PTPRG: variants seen among roughly 807,000 people sequenced by gnomAD.
PTPRG encodes the protein receptor-type tyrosine-protein phosphatase gamma.
Under a neutral mutation model 165.3 loss-of-function variants are expected in PTPRG, and 102 were observed. The ratio of observed to expected loss-of-function variants is 0.62; its 90% CI spans 0.53 to 0.73. PTPRG has a LOEUF of 0.73. Among genes scored for constraint, PTPRG ranks in the 30% least tolerant of loss-of-function variants. The probability of loss-of-function intolerance (pLI) is 0.00; values close to 1 mark genes in which losing one functional copy is unlikely to be tolerated. For missense variants in PTPRG, 1,866 were observed against 1,861.4 expected, an observed-to-expected ratio of 1.00 and a Z score of -0.05; for synonymous variants, 675 against 669.5, an observed-to-expected ratio of 1.01 and a Z score of -0.13.
chr3:62,054,734 T>G (rs1700579614), intron 4 of PTPRG, among the ~76,000 whole-genome samples: 1 of 152,246 alleles, frequency 6.6e-6, no homozygotes, highest in Non-Finnish European at 1.5e-5. Context: ...AGTTATATTT[T>G]GCAGTCTTAA....
At chr3:61,880,343 C>T (rs1220098672) in intron 2 of PTPRG, among the ~76,000 whole-genome samples, 1 of 152,162 alleles carries the variant, frequency 6.6e-6, no homozygotes, top group Non-Finnish European at 1.5e-5. Flanking sequence ...TGCACAATGG[C>T]TCATGCCGCA....
At chr3:61,806,561 T>C (rs866476207) in intron 2 of PTPRG, among the ~76,000 whole-genome samples, 58 of 151,402 alleles carry the variant, frequency 3.8e-4, no homozygotes, top group African/African-American at 1.4e-3. Context: ...TTTGTACTTC[T>C]GGATTTATAT....
chr3:61,940,850 G>A (rs2039606283), intron 2 of PTPRG, among the ~76,000 whole-genome samples: 1 of 151,994 alleles, frequency 6.6e-6, no homozygotes, highest in Non-Finnish European at 1.5e-5. Context: ...ATTTTTAGTA[G>A]AGATGGGGTT....
intron 1 of PTPRG, among the ~76,000 whole-genome samples, chr3:61,707,592 G>A (rs1251083159): frequency 6.6e-6 from 1 of 152,128 alleles, no homozygotes; most frequent in Non-Finnish European, 1.5e-5. Context: ...AGCTGATTAG[G>A]TGATCCCACC....
intron 2 of PTPRG, among the ~76,000 whole-genome samples, chr3:61,805,986 A>C (rs1361847148): frequency 6.6e-6 from 1 of 152,216 alleles, no homozygotes. Flanking sequence ...CCATTTAAGA[A>C]AAATACAGCA....
At chr3:62,284,456 A>G (rs1161267016) in intron 28 of PTPRG, among the ~76,000 whole-genome samples, 1 of 152,182 alleles carries the variant, frequency 6.6e-6, no homozygotes, top group Non-Finnish European at 1.5e-5. Context: ...CATATAGGTG[A>G]GATGCCTTAA....
In PTPRG at chr3:62,203,121, T is replaced by C. The variant is rs139226717; in HGVS notation, c.1378-52T>C. ...CCAATCTCAATTACTGATGCTTCTC[T>C]GCTTTTTCTTCTTCTGCCTCTTTTC... is the stretch of plus-strand genomic sequence containing the variant. On this transcript the variant is annotated intron_variant, in intron 11 of 29. Coordinates refer to ENST00000474889, the MANE Select transcript of PTPRG (RefSeq NM_002841.4). This position sits in a 1 kb window ranked among gnomAD's most constrained non-coding sequence, Gnocchi z 6.4. 8.5e-5 allele frequency: 130 copies of C among 1,524,794 alleles called. No homozygotes were observed. The East Asian group carries it at 2.0e-3, about 23-fold the overall frequency. The allele number at this position is 1,524,794 out of a possible 1,614,324, so 94.5% of individuals were successfully genotyped here. A position where few individuals can be genotyped will look rare whatever the true frequency, so the allele number is the denominator to read the frequency against.
intron 5 of PTPRG, among the ~76,000 whole-genome samples, chr3:62,088,083 C>T (rs1292149556): frequency 1.3e-5 from 2 of 152,166 alleles, no homozygotes; most frequent in African/African-American, 4.8e-5. Context: ...CTTTTAATGG[C>T]AGCAGTTCTG....
intron 14 of PTPRG, among the ~76,000 whole-genome samples, chr3:62,236,068 C>T (rs761280647): frequency 2.0e-5 from 3 of 152,140 alleles, no homozygotes; most frequent in South Asian, 2.1e-4. Flanking sequence ...AGATCCCTTC[C>T]GGAAGAGATA....
At chr3:61,570,770 T>C (rs1163234745) in intron 1 of PTPRG, among the ~76,000 whole-genome samples, 2 of 152,188 alleles carry the variant, frequency 1.3e-5, no homozygotes, top group South Asian at 2.1e-4. Context: ...TTTTTAAGAA[T>C]TGTCAAAAGG....
chr3:61,784,342 C>A (rs1448173025), intron 2 of PTPRG, among the ~76,000 whole-genome samples: 2 of 151,992 alleles, frequency 1.3e-5, no homozygotes, highest in African/African-American at 4.8e-5. Context: ...AATGATTTTC[C>A]CTTCCTTCAT....
chr3:61,823,092 T>C (rs2036004139), intron 2 of PTPRG, among the ~76,000 whole-genome samples: 2 of 152,224 alleles, frequency 1.3e-5, no homozygotes. Context: ...TTTTTTACCA[T>C]CTACTCCATC....
chr3:61,689,616 T>A (rs2030030127), intron 1 of PTPRG, among the ~76,000 whole-genome samples: 1 of 152,228 alleles, frequency 6.6e-6, no homozygotes, highest in Non-Finnish European at 1.5e-5. Context: ...GCACTGAAGC[T>A]GAAGTGGCAA....
intron 2 of PTPRG, among the ~76,000 whole-genome samples, chr3:61,906,780 T>C (rs1330092746): frequency 5.5e-5 from 2 of 36,116 alleles, no homozygotes; most frequent in Non-Finnish European, 1.1e-4. Context: ...TGAGACCCTG[T>C]AGGTAGGTAG....
chr3:62,133,315 T>G (rs1335816450), intron 6 of PTPRG, among the ~76,000 whole-genome samples: 4 of 152,228 alleles, frequency 2.6e-5, no homozygotes, highest in African/African-American at 9.6e-5. Context: ...CGCAGTGAGG[T>G]GTGTAGTCGA....
intron 2 of PTPRG, among the ~76,000 whole-genome samples, chr3:61,847,888 A>G (rs1440135575): frequency 6.6e-6 from 1 of 152,232 alleles, no homozygotes; most frequent in East Asian, 1.9e-4. Flanking sequence ...TTCTGCTTCC[A>G]CTGTTAAACT....
At chr3:61,809,663 T>A (rs1291478737) in intron 2 of PTPRG, among the ~76,000 whole-genome samples, 2 of 152,142 alleles carry the variant, frequency 1.3e-5, no homozygotes, top group Non-Finnish European at 2.9e-5. Context: ...ATCTGGCACG[T>A]TGTAAGCTTG....
At chr3:61,857,627 T>C (rs934495153) in intron 2 of PTPRG, among the ~76,000 whole-genome samples, 1 of 152,208 alleles carries the variant, frequency 6.6e-6, no homozygotes, top group Non-Finnish European at 1.5e-5. Context: ...GTTGAGATCC[T>C]ATATATCACA....
chr3:61,747,093 A>C (rs1038089770), intron 1 of PTPRG, among the ~76,000 whole-genome samples: 5 of 150,602 alleles, frequency 3.3e-5, no homozygotes, highest in African/African-American at 1.2e-4. Context: ...ACTGCACTCC[A>C]GCCTGTTCGA....
Sources: gnomAD v4.1 joint callset for allele counts (sites outside exome capture counted in the v4.1 genomes callset) on GRCh38, gnomAD v4.1.1 for gene constraint, Gnocchi (gnomAD v3.1) non-coding constraint, MANE v1.5 for transcripts, NCBI Gene and HGNC (gene_info 2026-07-23, HGNC 2026-07-21) for gene names.